Variants in CACHD1 observed in about 807,000 individuals in gnomAD.
The protein encoded by CACHD1 is VWFA and cache domain-containing protein 1.
A neutral mutation model predicts 138.7 loss-of-function variants in CACHD1; 71 were observed. The observed-to-expected ratio is 0.51, with a 90% CI of 0.42 to 0.62. CACHD1 has a LOEUF of 0.62. CACHD1 is among the 20% of genes least tolerant of loss of function. The pLI, the probability that CACHD1 is intolerant of heterozygous loss-of-function variation, is 0.00. For synonymous variants in CACHD1, 578 were observed against 591.5 expected (o/e 0.98, Z 0.33); for missense variants, 1,389 against 1,625.3 (o/e 0.85, Z 2.50).
intron 2 of CACHD1, among the ~76,000 whole-genome samples, chr1:64,553,796 T>C (rs1570360475): frequency 6.6e-6 from 1 of 152,208 alleles, no homozygotes; most frequent in Admixed American, 6.5e-5. Flanking sequence ...TTGTTTTATA[T>C]GTACTTATCC....
At chr1:64,613,458 C>T (rs1291224966) in intron 4 of CACHD1, 1 of 152,084 alleles carries the variant, frequency 6.6e-6, no homozygotes, top group Non-Finnish European at 1.5e-5. Flanking sequence ...TCGTGTGACT[C>T]ACTTTATTGC....
At chr1:64,673,039 T>G in intron 17 of CACHD1, 119 bp from the exon 18 acceptor site, 2 of 864,458 alleles carry the variant, frequency 2.3e-6, no homozygotes, top group Non-Finnish European at 1.9e-6. Context: ...GAGTATTTAT[T>G]GAGAACCTGG....
At chr1:64,516,891 G>A (rs1362767776) in intron 1 of CACHD1, among the ~76,000 whole-genome samples, 2 of 152,182 alleles carry the variant, frequency 1.3e-5, no homozygotes, top group African/African-American at 4.8e-5. Context: ...GTCTAGCAGA[G>A]CTGGAGTGGG....
chr1:64,632,866 A>G (rs1648363129), intron 6 of CACHD1, 123 bp downstream of exon 6: 1 of 1,150,192 alleles, frequency 8.7e-7, no homozygotes, highest in Non-Finnish European at 1.2e-6. Flanking sequence ...ATCCTGATAA[A>G]TCCATCATAA....
chr1:64,495,003 G>T (rs1008028328), intron 1 of CACHD1, among the ~76,000 whole-genome samples: 1 of 152,096 alleles, frequency 6.6e-6, no homozygotes, highest in African/African-American at 2.4e-5. Context: ...TCTTTGTGTA[G>T]TGGTCTCTTT....
chr1:64,546,950 C>T (rs1646722896), intron 1 of CACHD1, among the ~76,000 whole-genome samples: 1 of 152,056 alleles, frequency 6.6e-6, no homozygotes, highest in Non-Finnish European at 1.5e-5. Context: ...TTTTTTCCTA[C>T]ATGCAAGTAT....
At chr1:64,510,568 T>G (rs305580) in intron 1 of CACHD1, among the ~76,000 whole-genome samples, 28,994 of 152,218 alleles carry the variant, frequency 0.19, 5,102 homozygotes, top group African/African-American at 0.47. Flanking sequence ...CTGGGCAATG[T>G]TCTCAACTAC....
At chr1:64,538,617 C>A (rs1466707994) in intron 1 of CACHD1, among the ~76,000 whole-genome samples, 1 of 152,130 alleles carries the variant, frequency 6.6e-6, no homozygotes, top group South Asian at 2.1e-4. Context: ...AGAGCTAGTT[C>A]GCACAGAGCT....
intron 1 of CACHD1, among the ~76,000 whole-genome samples, chr1:64,498,206 G>C (rs973846359): frequency 4.6e-5 from 7 of 152,146 alleles, no homozygotes; most frequent in African/African-American, 1.7e-4. Flanking sequence ...AGCTCGGAGA[G>C]AGCTACCAGA....
At chr1:64,687,937 C>T (rs1197889255) in intron 26 of CACHD1, among the ~76,000 whole-genome samples, 1 of 151,688 alleles carries the variant, frequency 6.6e-6, no homozygotes, top group Non-Finnish European at 1.5e-5. Flanking sequence ...TATAATATGG[C>T]AAAATATAAG....
At chr1:64,552,970 T>C (rs557533076) in intron 2 of CACHD1, among the ~76,000 whole-genome samples, 6 of 152,308 alleles carry the variant, frequency 3.9e-5, no homozygotes, top group African/African-American at 1.2e-4. Context: ...GGTACTGACT[T>C]TTAAATTCCT....
At chr1:64,565,073 A>G (rs1359806301) in intron 2 of CACHD1, among the ~76,000 whole-genome samples, 1 of 150,076 alleles carries the variant, frequency 6.7e-6, no homozygotes, top group Non-Finnish European at 1.5e-5. Context: ...AGTGTAATCT[A>G]GTATGGTGGT....
intron 1 of CACHD1, among the ~76,000 whole-genome samples, chr1:64,476,020 C>G (rs898643121): frequency 3.3e-5 from 5 of 152,120 alleles, no homozygotes; most frequent in East Asian, 1.9e-4. Context: ...TTGCCCAAGC[C>G]CCTCTGGTGA....
chr1:64,643,574 T>G (rs144960986), intron 8 of CACHD1, among the ~76,000 whole-genome samples: 2 of 152,132 alleles, frequency 1.3e-5, no homozygotes, highest in African/African-American at 2.4e-5. Flanking sequence ...CGGTGGCTCA[T>G]GCCTGTAATC....
At chr1:64,473,553 C>A (rs1646157780) in intron 1 of CACHD1, among the ~76,000 whole-genome samples, 1 of 151,814 alleles carries the variant, frequency 6.6e-6, no homozygotes, top group Admixed American at 6.6e-5. Context: ...GGTGTGACTT[C>A]CTACGAAGAT....
At chr1:64,660,690 C>T (rs1453682930) in intron 13 of CACHD1, among the ~76,000 whole-genome samples, 1 of 151,912 alleles carries the variant, frequency 6.6e-6, no homozygotes, top group East Asian at 1.9e-4. Flanking sequence ...ACCACCACGC[C>T]CGGCTAATTT....
chr1:64,580,366 A>G (rs1647002430), intron 2 of CACHD1, among the ~76,000 whole-genome samples: 1 of 152,214 alleles, frequency 6.6e-6, no homozygotes, highest in Non-Finnish European at 1.5e-5. Context: ...TCTGGGTGAC[A>G]AAATCATTTG....
chr1:64,622,811 T>C (rs1570426123), intron 4 of CACHD1, among the ~76,000 whole-genome samples: 1 of 152,226 alleles, frequency 6.6e-6, no homozygotes, highest in East Asian at 1.9e-4. Context: ...CTGTTTTGTA[T>C]GATGCTCAAT....
rs112918756 is a variant in CACHD1, at chr1:64,542,192, A to G, written c.199-8402A>G. 2.0e-3 allele frequency among the ~76,000 whole-genome samples: 305 copies of G among 152,348 alleles called. 1 individual carries two copies. The highest frequency in any genetic ancestry group is 7.2e-3 in the African/African-American group (298 of 41,580). ...GACAGATAGTAAGCACTATATAAGC[A>G]TTAGCTATTATCATTATTTATAGCA... On this transcript the variant is annotated intron_variant, in intron 1 of 26. Coordinates refer to ENST00000651257, the MANE Select transcript of CACHD1 (RefSeq NM_020925.4).
Sources: gnomAD v4.1 joint callset for allele counts (sites outside exome capture counted in the v4.1 genomes callset) on GRCh38, gnomAD v4.1.1 for gene constraint, MANE v1.5 for transcripts, NCBI Gene and HGNC (gene_info 2026-07-23, HGNC 2026-07-21) for gene names.